The following ZNF521 variants were observed in gnomAD, a reference collection of about 807,000 sequenced individuals.
ZNF521 encodes zinc finger protein 521, also known as LYST-interacting protein 3.
ZNF521 carries 14 observed loss-of-function variants against 105.5 expected under a neutral mutation model. The ratio of observed to expected loss-of-function variants is 0.13; its 90% CI spans 0.09 to 0.21. The LOEUF is 0.21. Ranked by LOEUF, ZNF521 falls within the 10% of genes least tolerant of loss-of-function variation. The pLI is 1.00. For missense variants in ZNF521, 1,233 were observed against 1,629.7 expected, an observed-to-expected ratio of 0.76 and a Z score of 4.19; for synonymous variants, 635 against 606.0, an observed-to-expected ratio of 1.05 and a Z score of -0.70.
At chr18:25,338,745 T>C (rs1333507080) in intron 2 of ZNF521, among the ~76,000 whole-genome samples, 1 of 152,168 alleles carries the variant, frequency 6.6e-6, no homozygotes, top group Non-Finnish European at 1.5e-5. Flanking sequence ...TACTAATGAA[T>C]TGTTGATGCA....
intron 2 of ZNF521, chr18:25,345,454 C>A (rs1239658826): frequency 6.6e-6 from 1 of 152,148 alleles, no homozygotes; most frequent in African/African-American, 2.4e-5. Context: ...CTTTTATGTT[C>A]AGTATCCTAT....
intron 5 of ZNF521, among the ~76,000 whole-genome samples, chr18:25,151,080 G>A (rs937722958): frequency 3.3e-5 from 5 of 151,744 alleles, no homozygotes; most frequent in African/African-American, 4.8e-5. Context: ...GTGAGCCACC[G>A]CACCTGGCCC....
At chr18:25,259,437 C>T (rs1765730679) in intron 3 of ZNF521, among the ~76,000 whole-genome samples, 2 of 152,122 alleles carry the variant, frequency 1.3e-5, no homozygotes, top group Admixed American at 1.3e-4. Flanking sequence ...CAAATATGTA[C>T]ACTGTGATGC....
At chr18:25,305,940 C>A (rs1911949511) in intron 3 of ZNF521, among the ~76,000 whole-genome samples, 1 of 152,212 alleles carries the variant, frequency 6.6e-6, no homozygotes, top group African/African-American at 2.4e-5. Context: ...CATTTAATTG[C>A]CACAACCACA....
At chr18:25,242,719 G>C (rs555922091) in intron 3 of ZNF521, among the ~76,000 whole-genome samples, 1 of 152,192 alleles carries the variant, frequency 6.6e-6, no homozygotes, top group East Asian at 1.9e-4. Context: ...GAATGTAGTG[G>C]GTGATTCTTG....
intron 4 of ZNF521, among the ~76,000 whole-genome samples, chr18:25,200,238 T>C (rs1424600398): frequency 6.6e-6 from 1 of 152,130 alleles, no homozygotes; most frequent in Non-Finnish European, 1.5e-5. Flanking sequence ...CCAGGAATGG[T>C]AGGAAAAGTA....
intron 4 of ZNF521, among the ~76,000 whole-genome samples, chr18:25,207,995 G>T (rs1349449868): frequency 2.0e-5 from 3 of 152,078 alleles, no homozygotes; most frequent in African/African-American, 7.2e-5. Flanking sequence ...GTTAAGAAAA[G>T]GATAATATCA....
chr18:25,129,315 A>G (rs2034598153), intron 5 of ZNF521, among the ~76,000 whole-genome samples: 1 of 150,038 alleles, frequency 6.7e-6, no homozygotes, highest in African/African-American at 2.4e-5. Context: ...CTAGACACAG[A>G]TCTTACACAT....
At chr18:25,279,188 G>A (rs892816334) in intron 3 of ZNF521, among the ~76,000 whole-genome samples, 4 of 152,152 alleles carry the variant, frequency 2.6e-5, no homozygotes, top group African/African-American at 9.7e-5. Context: ...TATACAACAA[G>A]AACCAACTTT....
At chr18:25,252,277 A>G (rs562052424) in intron 3 of ZNF521, among the ~76,000 whole-genome samples, 2 of 152,272 alleles carry the variant, frequency 1.3e-5, no homozygotes, top group East Asian at 3.9e-4. Flanking sequence ...TAAAGAAATA[A>G]AAAAGCCCAG....
rs1396084361 is a variant in ZNF521, at chr18:25,089,611, T to C, written c.3791-31A>G. 1.9e-6 allele frequency: 3 copies of C among 1,582,408 alleles called. No individual in the cohort carries two copies. The South Asian group carries it at 3.3e-5, about 18-fold the overall frequency. ...ATGATAAAAGAATGATGAACTTGGG[T>C]TATTTTGTTTCCGAAATGCCCTCAG... On this transcript the variant is annotated intron_variant, in intron 6 of 7. Transcript: ENST00000361524.
intron 2 of ZNF521, among the ~76,000 whole-genome samples, chr18:25,337,445 C>T (rs866927664): frequency 4.6e-5 from 7 of 152,190 alleles, no homozygotes; most frequent in Middle Eastern, 3.4e-3. Context: ...GCTGCTCTTT[C>T]AAACCAGAAG....
intron 5 of ZNF521, among the ~76,000 whole-genome samples, chr18:25,156,997 G>A (rs1264332385): frequency 2.6e-5 from 4 of 152,018 alleles, no homozygotes; most frequent in African/African-American, 4.8e-5. Context: ...CCAGGAGTTC[G>A]AGACCAGCCT....
intron 3 of ZNF521, among the ~76,000 whole-genome samples, chr18:25,281,773 T>A (rs948620366): frequency 6.6e-6 from 1 of 152,196 alleles, no homozygotes; most frequent in Non-Finnish European, 1.5e-5. Context: ...TGAAACACAA[T>A]CTTACCAAAA....
At chr18:25,245,417 G>T (rs1907638619) in intron 3 of ZNF521, among the ~76,000 whole-genome samples, 1 of 152,094 alleles carries the variant, frequency 6.6e-6, no homozygotes, top group South Asian at 2.1e-4. Flanking sequence ...AACCTCCATT[G>T]ACACATCATT....
At chr18:25,322,396 C>T (rs1240318818) in intron 2 of ZNF521, 4 of 673,658 alleles carry the variant, frequency 5.9e-6, no homozygotes, top group Non-Finnish European at 1.1e-5. Context: ...CTTCCCTTTC[C>T]CCACCATGTA....
At chr18:25,271,029 C>T (rs539013935) in intron 3 of ZNF521, among the ~76,000 whole-genome samples, 20 of 152,272 alleles carry the variant, frequency 1.3e-4, no homozygotes, top group South Asian at 6.2e-4. Flanking sequence ...AAAACCCCAT[C>T]GTCTCAGCCC....
At chr18:25,281,164 T>C (rs1483821734) in intron 3 of ZNF521, among the ~76,000 whole-genome samples, 2 of 152,202 alleles carry the variant, frequency 1.3e-5, no homozygotes, top group African/African-American at 4.8e-5. Context: ...GCTTTATCCG[T>C]CTTGCATGGT....
At chr18:25,099,364 A>C (rs2033918896) in intron 5 of ZNF521, among the ~76,000 whole-genome samples, 1 of 152,152 alleles carries the variant, frequency 6.6e-6, no homozygotes, top group African/African-American at 2.4e-5. Flanking sequence ...GGCAAAATCC[A>C]CCTTACAGTG....
Sources: allele counts gnomAD v4.1 joint callset (sites outside exome capture counted in the v4.1 genomes callset), GRCh38; gene constraint gnomAD v4.1.1; transcripts MANE v1.5; gene names NCBI Gene and HGNC (gene_info 2026-07-23, HGNC 2026-07-21).